Variants in ETV4 observed in about 807,000 individuals in gnomAD.
The protein encoded by ETV4 is ETS variant transcription factor 4.
A neutral mutation model predicts 65.9 loss-of-function variants in ETV4; 42 were observed. The ratio of observed to expected loss-of-function variants is 0.64; its 90% CI spans 0.50 to 0.82. ETV4 has a LOEUF of 0.82. Ranked by LOEUF, ETV4 falls within the 40% of genes least tolerant of loss-of-function variation. The pLI, the probability that ETV4 is intolerant of heterozygous loss-of-function variation, is 0.00. For missense variants in ETV4, 583 were observed against 630.3 expected (o/e 0.92, Z 0.80); for synonymous variants, 238 against 260.0 (o/e 0.92, Z 0.81).
chr17:43,528,536 C>T lies in ETV4; in HGVS notation c.1438G>A (p.Gly480Ser), dbSNP rs1567704285. 2 of 1,611,230 alleles carry T rather than the reference C, an allele frequency of 1.2e-6. No individual in the cohort carries two copies. The highest frequency in any genetic ancestry group is 1.7e-6 in the Non-Finnish European group (2 of 1,178,564). The change falls in exon 13 of 13, where the codon GGT (glycine) becomes AGT (serine). Residue 480 changes from glycine (G) to serine (S), a missense_variant. Coordinates refer to ENST00000319349, the MANE Select transcript of ETV4 (RefSeq NM_001079675.5). ...AGPAQPFGPK[G>S]GYSY Reference sequence around the variant, plus strand: ...GCTGGGGGCTAGTAAGAGTAGCCACCCTTGGGGCCAAATGGCTGGGCGGGG... The same window carrying T: ...GCTGGGGGCTAGTAAGAGTAGCCACTCTTGGGGCCAAATGGCTGGGCGGGG...
At chr17:43,536,077 C>T (rs149798226) in intron 5 of ETV4, among the ~76,000 whole-genome samples, 43 of 152,324 alleles carry the variant, frequency 2.8e-4, no homozygotes, top group African/African-American at 9.1e-4. Flanking sequence ...TGCCACTGCA[C>T]TCCAGCCTGG....
At chr17:43,532,511 A>G (rs1406113331) in intron 8 of ETV4, among the ~76,000 whole-genome samples, 163 bp downstream of exon 8, 1 of 152,140 alleles carries the variant, frequency 6.6e-6, no homozygotes, top group East Asian at 1.9e-4. Flanking sequence ...AAAAAAAGAA[A>G]AAGAAAGAAA....
chr17:43,533,528 A>G (rs1971074119), intron 6 of ETV4, among the ~76,000 whole-genome samples, 180 bp from the exon 7 acceptor site: 1 of 152,020 alleles, frequency 6.6e-6, no homozygotes, highest in Non-Finnish European at 1.5e-5. Context: ...TTTTTCAGAG[A>G]CAGTCTCCCT....
chr17:43,545,260 C>T lies in ETV4; in HGVS notation c.154+14G>A, dbSNP rs1284573330. On this transcript the variant is annotated intron_variant, in intron 3 of 12. Transcript: ENST00000319349. ...GGCGGAGGAGGGTCGCGGTTTGTCT[C>T]TCTTGCTCTTTACCTTCAGAGTCGA... 1 of 1,586,584 alleles carries T rather than the reference C, an allele frequency of 6.3e-7. No individual in the cohort carries two copies.
chr17:43,538,488 C>T (rs146944427), intron 4 of ETV4, among the ~76,000 whole-genome samples: 15 of 152,210 alleles, frequency 9.9e-5, no homozygotes, highest in African/African-American at 3.1e-4. Flanking sequence ...CCCAGGATGC[C>T]AGGATGGGTG....
rs747487116 is a variant in ETV4 at position 43,528,114 on chromosome 17, G to A, written c.*405C>T. The A allele has an allele frequency of 7.5e-5, 18 of 238,534 alleles. No individual in the cohort carries two copies. Among genetic ancestry groups the A allele is most frequent in the Non-Finnish European group, 1.2e-4 (14 of 121,686 alleles). The allele number at this position is 238,534 out of a possible 1,614,324, so 14.8% of individuals were successfully genotyped here. Reference sequence around the variant, plus strand: ...GCAGAGTCCAGGCTTCTGTCTCCCCGCAGTGGGAGATCTGGGGAGCTCAGT... The same window carrying A: ...GCAGAGTCCAGGCTTCTGTCTCCCCACAGTGGGAGATCTGGGGAGCTCAGT... On this transcript the variant is annotated 3_prime_UTR_variant, in exon 13 of 13. Coordinates refer to ENST00000319349, the MANE Select transcript of ETV4 (RefSeq NM_001079675.5).
Position 43,529,516 on chromosome 17 carries a change from A to G in ETV4, c.1116T>C (p.Ile372=), listed in dbSNP as rs772037381. 1.9e-6 allele frequency: 3 copies of G among 1,612,176 alleles called. No individual in the cohort carries two copies. The highest frequency in any genetic ancestry group is 1.7e-6 in the Non-Finnish European group (2 of 1,178,896). The change falls in exon 11 of 13, where the codon ATT becomes ATC. Residue 372 remains isoleucine (I), a synonymous_variant. Transcript: ENST00000319349. ...WTGRGMEFKL[I]EPEEVARLWG... is the part of the protein sequence containing the mutation. ...CCGAGAGGCCCACCTCCTCAGGCTCAATGAGCTTGAACTCCATTCCCCGGC... is the reference window on the plus strand; with the variant it reads ...CCGAGAGGCCCACCTCCTCAGGCTCGATGAGCTTGAACTCCATTCCCCGGC...
At chr17:43,542,565 G>T (rs1011647186) in intron 4 of ETV4, among the ~76,000 whole-genome samples, 1 of 151,954 alleles carries the variant, frequency 6.6e-6, no homozygotes, top group African/African-American at 2.4e-5. Context: ...CAGATCCCAG[G>T]CACCCCCAAA....
rs868222743 is a variant in ETV4 at position 43,533,087 on chromosome 17, C to T, written c.545+100G>A. On this transcript the variant is annotated intron_variant, in intron 7 of 12. Transcript: ENST00000319349. ...ATTTCTCCCTTTCTATTCCACTGCC[C>T]CCTGCCTCTACCACCCCACAGCTCA... The T allele has an allele frequency of 2.6e-5, 39 of 1,522,806 alleles. No individual in the cohort carries two copies. The South Asian group carries it at 4.7e-4, about 18-fold the overall frequency. 94.3% of individuals were successfully genotyped at this position (1,522,806 alleles called of 1,614,324 possible).
rs370999511 is a variant in ETV4 at position 43,529,766 on chromosome 17, C to A, written c.956-90G>T. The A allele has an allele frequency of 8.2e-6, 13 of 1,592,888 alleles. No individual in the cohort carries two copies. In the East Asian group the frequency reaches 2.9e-4, roughly 36 times the overall value. ...CACCCGAGGGATTTCTCGAAGGGGT[C>A]TCCCCAGGTACTTTTCTATGGGTCC... On this transcript the variant is annotated intron_variant, in intron 10 of 12. Transcript: ENST00000319349.
At chr17:43,531,089 T>C (rs886369947) in intron 8 of ETV4, among the ~76,000 whole-genome samples, 1 of 152,176 alleles carries the variant, frequency 6.6e-6, no homozygotes, top group African/African-American at 2.4e-5. Context: ...GCTTATGCCC[T>C]GGATTTGAGG....
intron 10 of ETV4, 47 bp downstream of exon 10, chr17:43,529,837 C>CTTCCTCA (rs1567706581): frequency 6.2e-7 from 1 of 1,607,412 alleles, no homozygotes. Flanking sequence ...TGCAGGGACA[C>CTTCCTCA]AGCGTGATAA....
chr17:43,529,594 A>G lies in ETV4; in HGVS notation c.1038T>C (p.Phe346=), dbSNP rs1487161830. The G allele has an allele frequency of 6.2e-7, 1 of 1,614,112 alleles. No homozygotes were observed. The highest frequency in any genetic ancestry group is 1.1e-5 in the South Asian group (1 of 91,080). The change falls in exon 11 of 13, where the codon TTT becomes TTC. Residue 346 remains phenylalanine (F), a synonymous_variant. Coordinates refer to ENST00000319349, the MANE Select transcript of ETV4 (RefSeq NM_001079675.5). ...QRRGALQLWQ[F]LVALLDDPTN... is the part of the protein sequence containing the mutation. ...TTGGGTCATCCAGCAAGGCCACCAG[A>G]AATTGCCACAGCTGCAGGGCACCCC...
In ETV4 at chr17:43,545,019, A is replaced by C; in HGVS notation, c.158T>G (p.Leu53Arg). 6.2e-7 allele frequency: 1 copy of C among 1,613,840 alleles called. No individual in the cohort carries two copies. The highest frequency in any genetic ancestry group is 8.5e-7 in the Non-Finnish European group (1 of 1,179,814). ...GSLPPLDSEDLFQDLSHFQET... is the reference protein window; with the variant it reads ...GSLPPLDSEDRFQDLSHFQET... Reference sequence around the variant, plus strand: ...CTGGAAGTGACTTAGATCCTGGAAGAGATCTGAGGGGTAAATAGTGGAATT... The same window carrying C: ...CTGGAAGTGACTTAGATCCTGGAAGCGATCTGAGGGGTAAATAGTGGAATT... Residue 53 changes from leucine to arginine, a missense_variant, in exon 4 of 13, where the codon CTC (leucine) becomes CGC (arginine). Leu to Arg is a moderately radical substitution (Grantham distance 102). Transcript: ENST00000319349.
chr17:43,530,230 G>A, intron 8 of ETV4, 49 bp from the exon 9 acceptor site: 3 of 1,551,426 alleles, frequency 1.9e-6, no homozygotes, highest in Non-Finnish European at 1.7e-6. Context: ...GGTGGAGCTC[G>A]AGGGCAGGGG....
intron 10 of ETV4, 49 bp downstream of exon 10, chr17:43,529,835 C>T (rs768291878): frequency 3.1e-6 from 5 of 1,607,704 alleles, no homozygotes; most frequent in Admixed American, 1.7e-5. Context: ...CCTGCAGGGA[C>T]ACAGCGTGAT....
intron 2 of ETV4, 65 bp downstream of exon 2, chr17:43,545,493 G>C: frequency 6.7e-7 from 1 of 1,484,382 alleles, no homozygotes; most frequent in South Asian, 1.2e-5. Context: ...CGGGGAGGGG[G>C]GCTGTGGTGA....
Position 43,532,838 on chromosome 17 carries a change from G to T in ETV4, c.647C>A (p.Pro216His), listed in dbSNP as rs1429973238. The T allele has an allele frequency of 6.2e-7, 1 of 1,613,728 alleles. No individual in the cohort carries two copies. Among genetic ancestry groups the T allele is most frequent in the Non-Finnish European group, 8.5e-7 (1 of 1,179,870 alleles). ...PAPYQHQLSE[P>H]CPPYPQQSFK... ...GCTCTGCTGGGGATAGGGTGGGCAG[G>T]GCTCCGACAGCTGGTGTTGGTAGGG... Residue 216 changes from proline (P) to histidine (H), a missense_variant, in exon 8 of 13, where the codon CCC (proline) becomes CAC (histidine). Physicochemically the swap from Pro to His is moderately conservative, Grantham distance 77 (BLOSUM62 -2). Coordinates refer to ENST00000319349, the MANE Select transcript of ETV4 (RefSeq NM_001079675.5).
Position 43,545,194 on chromosome 17 carries a change from C to CGTGT in ETV4, c.154+76_154+79dup, listed in dbSNP as rs34640745. ...AACAGGCGGGGGTTCCAGAATCGGCCGTGTGTGTGTGTGTGTGTGTGTGTG... is the reference window on the plus strand; with the variant it reads ...AACAGGCGGGGGTTCCAGAATCGGCCGTGTGTGTGTGTGTGTGTGTGTGTGTGTG... On this transcript the variant is annotated intron_variant, in intron 3 of 12. Coordinates refer to ENST00000319349, the MANE Select transcript of ETV4 (RefSeq NM_001079675.5). 0.2 allele frequency: 123,298 copies of CGTGT among 625,440 alleles called. 5,280 individuals carry two copies. The highest frequency in any genetic ancestry group is 0.29 in the Admixed American group (9,155 of 32,096). 38.7% of individuals were successfully genotyped at this position (625,440 alleles called of 1,614,324 possible).
Sources: allele counts gnomAD v4.1 joint callset (sites outside exome capture counted in the v4.1 genomes callset), GRCh38; gene constraint gnomAD v4.1.1; transcripts MANE v1.5; gene names NCBI Gene and HGNC (gene_info 2026-07-23, HGNC 2026-07-21).